The following HARS1 variants were observed in gnomAD, a reference collection of about 807,000 sequenced individuals.
HARS1 encodes histidyl-tRNA synthetase 1, also known as histidine--tRNA ligase, cytoplasmic.
Under a neutral mutation model 63.6 loss-of-function variants are expected in HARS1, and 45 were observed. The observed-to-expected ratio is 0.71, with a 90% CI of 0.56 to 0.91. HARS1 has a LOEUF of 0.91. Ranked by LOEUF, HARS1 falls within the 40% of genes least tolerant of loss-of-function variation. HARS1 has a pLI of 0.00. For synonymous variants in HARS1, 205 were observed against 247.1 expected, an observed-to-expected ratio of 0.83 and a Z score of 1.60; for missense variants, 508 against 643.2, an observed-to-expected ratio of 0.79 and a Z score of 2.27.
chr5:140,680,307 C>T (rs1034636542), intron 3 of HARS1, among the ~76,000 whole-genome samples: 4 of 151,852 alleles, frequency 2.6e-5, no homozygotes, highest in Non-Finnish European at 4.4e-5. Context: ...CCACCATGCC[C>T]GGCTAAGTTT....
chr5:140,691,129 A>C lies in HARS1; in HGVS notation c.90+86T>G, dbSNP rs1759398881. 4 of 1,112,650 alleles carry C rather than the reference A, an allele frequency of 3.6e-6. No homozygotes were observed. In the East Asian group the frequency reaches 9.6e-5, roughly 27 times the overall value. 68.9% of individuals were successfully genotyped at this position (1,112,650 alleles called of 1,614,324 possible). On this transcript the variant is annotated intron_variant, in intron 1 of 12. Transcript: ENST00000504156. ...CCCTACAAGACTGGTCGCTTCCCTC[A>C]CATCTCTACCCTATGTCCCGAACAC...
chr5:140,677,515 C>A, intron 7 of HARS1, 95 bp from the exon 8 acceptor site: 1 of 1,118,882 alleles, frequency 8.9e-7, no homozygotes, highest in Non-Finnish European at 1.4e-6. Context: ...AGAGCAGTAG[C>A]TGCCCATGAG....
intron 2 of HARS1, among the ~76,000 whole-genome samples, chr5:140,688,749 T>C (rs1759200419): frequency 6.6e-6 from 1 of 152,176 alleles, no homozygotes; most frequent in African/African-American, 2.4e-5. Flanking sequence ...ATTGGGCCAT[T>C]TGTCCTAAAA....
Position 140,676,366 on chromosome 5 carries a change from C to A in HARS1, c.1194+288G>T. ...CAAGGCAGTAAAATGTTAAGTATTC[C>A]GTATCATGAGGAAGATCTAAGTCTT... is the stretch of plus-strand genomic sequence containing the variant. On this transcript the variant is annotated intron_variant, in intron 10 of 12. Coordinates refer to ENST00000504156, the MANE Select transcript of HARS1 (RefSeq NM_002109.6). This position sits in a 1 kb window ranked among gnomAD's most constrained non-coding sequence, Gnocchi z 4.1. 2.5e-6 allele frequency: 1 copy of A among 392,852 alleles called. No individual in the cohort carries two copies. The highest frequency in any genetic ancestry group is 4.6e-6 in the Non-Finnish European group (1 of 216,676). 24.3% of individuals were successfully genotyped at this position (392,852 alleles called of 1,614,324 possible). A position where few individuals can be genotyped will look rare whatever the true frequency, so the allele number is the denominator to read the frequency against.
rs368813043 is a variant in HARS1, at chr5:140,674,275, C to A, written c.1512G>T (p.Gln504His). 1.2e-6 allele frequency: 2 copies of A among 1,609,934 alleles called. No homozygotes were observed. The highest frequency in any genetic ancestry group is 2.7e-5 in the African/African-American group (2 of 74,834). Residue 504 changes from glutamine (Q) to histidine (H), a missense_variant, in exon 13 of 13, where the codon CAG (glutamine) becomes CAT (histidine). Around this residue, in one of 2 missense-constraint regions of HARS1, gnomAD observed 403 missense variants for 548.7 expected, o/e 0.73. Transcript: ENST00000504156. ...LVEEIKRRTGQPLCIC is the reference protein window; with the variant it reads ...LVEEIKRRTGHPLCIC ...GTTCAGTTCAGCAGATGCAGAGGGG[C>A]TGGCCTGTTCTCCTTTTGATTTCCT...
In HARS1 at chr5:140,691,332, G is replaced by A; in HGVS notation, c.-28C>T. 1 of 1,552,732 alleles carries A rather than the reference G, an allele frequency of 6.4e-7. No homozygotes were observed. Among genetic ancestry groups the A allele is most frequent in the African/African-American group, 1.4e-5 (1 of 73,802 alleles). Reference sequence around the variant, plus strand: ...CGGCTGTCCACTTGAGCCGCCTGCTGTCTCGACCTGCGGTGGTTGCCCCAG... The same window carrying A: ...CGGCTGTCCACTTGAGCCGCCTGCTATCTCGACCTGCGGTGGTTGCCCCAG... On this transcript the variant is annotated 5_prime_UTR_variant, in exon 1 of 13. Transcript: ENST00000504156.
In HARS1 at chr5:140,677,043, C is replaced by G. The variant is rs2149823428; in HGVS notation, c.897G>C (p.Leu299=). Residue 299 remains leucine (L), a synonymous_variant, in exon 9 of 13, where the codon CTG becomes CTC. Coordinates refer to ENST00000504156, the MANE Select transcript of HARS1 (RefSeq NM_002109.6). ...ACTCAAAGAGCAACTTCAGGTCTCC[C>G]AGGCCCTCCAAGGCCTGCTTGTTTT... ...LSQNKQALEG[L]GDLKLLFEYL... is the part of the protein sequence containing the mutation. 1 of 1,614,170 alleles carries G rather than the reference C, an allele frequency of 6.2e-7. No individual in the cohort carries two copies. Among genetic ancestry groups the G allele is most frequent in the Non-Finnish European group, 8.5e-7 (1 of 1,180,010 alleles).
chr5:140,678,204 T>C lies in HARS1; in HGVS notation c.523-189A>G. ...CTCACCAGTTTTGGTTTCCTTTCCA[T>C]CTACTGGGCTATTCCTTCATTTTCT... On this transcript the variant is annotated intron_variant, in intron 5 of 12. Coordinates refer to ENST00000504156, the MANE Select transcript of HARS1 (RefSeq NM_002109.6). 5.0e-6 allele frequency: 3 copies of C among 594,674 alleles called. No individual in the cohort carries two copies. The South Asian group carries it at 6.2e-5, about 12-fold the overall frequency. The allele number at this position is 594,674 out of a possible 1,614,324, so 36.8% of individuals were successfully genotyped here.
At chr5:140,683,307 T>A (rs1410955061) in intron 2 of HARS1, 88 bp from the exon 3 acceptor site, 2 of 1,395,990 alleles carry the variant, frequency 1.4e-6, no homozygotes, top group Non-Finnish European at 2.0e-6. Context: ...ATGACCTCAA[T>A]AATGAAAAAG....
chr5:140,686,856 G>A (rs1759067968), intron 2 of HARS1, among the ~76,000 whole-genome samples: 1 of 152,206 alleles, frequency 6.6e-6, no homozygotes, highest in Non-Finnish European at 1.5e-5. Context: ...GTCTCCCAAA[G>A]TGCTGGGATT....
chr5:140,684,356 A>G (rs1758903697), intron 2 of HARS1: 1 of 983,596 alleles, frequency 1.0e-6, no homozygotes. Context: ...AAAAATACCT[A>G]CATGATTATA....
intron 3 of HARS1, among the ~76,000 whole-genome samples, chr5:140,682,481 A>G (rs923451534): frequency 6.6e-6 from 1 of 152,114 alleles, no homozygotes; most frequent in Admixed American, 6.5e-5. Context: ...CTGAGTAAAG[A>G]GTTTGGGTTG....
At position 140,679,877 on chromosome 5, in the gene HARS1, G is replaced by C. The variant is rs556459899; in HGVS notation, c.307C>G (p.Leu103Val). 3.2e-6 allele frequency: 5 copies of C among 1,571,970 alleles called. No homozygotes were observed. In the East Asian group the frequency reaches 1.1e-4, roughly 35 times the overall value. ...DTPVFELKET[L>V]MGKYGEDSKL... ...GAGTCTTCCCCATACTTTCCCATCAGTGTTTCCTGGAGAAAACATAAATAA... is the reference window on the plus strand; with the variant it reads ...GAGTCTTCCCCATACTTTCCCATCACTGTTTCCTGGAGAAAACATAAATAA... The change falls in exon 4 of 13, where the codon CTG (leucine) becomes GTG (valine). Residue 103 changes from leucine to valine, a missense_variant. By Grantham distance (32) the Leu-to-Val change is conservative (BLOSUM62 1). Transcript: ENST00000504156. This position sits in a 1 kb window ranked among gnomAD's most constrained non-coding sequence, Gnocchi z 4.3.
chr5:140,677,246 C>T lies in HARS1; in HGVS notation c.823+81G>A, dbSNP rs1332119118. On this transcript the variant is annotated intron_variant, in intron 8 of 12. Transcript: ENST00000504156. The stretch of plus-strand genomic sequence containing the variant: ...ATGCATAGACACACTCACTCCCCTA[C>T]ATACATAACACAGAACAGTTTCAAC... 5 of 1,376,750 alleles carry T rather than the reference C, an allele frequency of 3.6e-6. No homozygotes were observed. In the African/African-American group the frequency reaches 4.3e-5, roughly 12 times the overall value. The allele number at this position is 1,376,750 out of a possible 1,614,324, so 85.3% of individuals were successfully genotyped here.
At chr5:140,685,701 C>T (rs1465937865) in intron 2 of HARS1, among the ~76,000 whole-genome samples, 1 of 136,572 alleles carries the variant, frequency 7.3e-6, no homozygotes, top group Non-Finnish European at 1.6e-5. Flanking sequence ...AGCCTGGTGA[C>T]AGAGTGAGAC....
intron 12 of HARS1, 128 bp from the exon 13 acceptor site, chr5:140,674,456 C>T (rs1405651840): frequency 1.2e-6 from 1 of 820,282 alleles, no homozygotes; most frequent in African/African-American, 1.7e-5. Flanking sequence ...AATTAAACAC[C>T]TCAGGCTAGA....
chr5:140,677,471 G>A, intron 7 of HARS1, 51 bp from the exon 8 acceptor site: 2 of 1,388,342 alleles, frequency 1.4e-6, no homozygotes, highest in Non-Finnish European at 2.1e-6. Context: ...CCGCACCACA[G>A]AGCAAGTGTG....
intron 7 of HARS1, 117 bp from the exon 8 acceptor site, chr5:140,677,537 G>A (rs1391336595): frequency 1.9e-6 from 2 of 1,050,422 alleles, no homozygotes; most frequent in Admixed American, 1.7e-5. Flanking sequence ...CTACATCCTG[G>A]GGCTAACCTT....
At chr5:140,690,734 T>C in intron 2 of HARS1, 121 bp downstream of exon 2, 1 of 706,876 alleles carries the variant, frequency 1.4e-6, no homozygotes, top group Non-Finnish European at 2.6e-6. Flanking sequence ...CCAGAGCGAC[T>C]GTCCTCTCCT....
Sources: allele counts gnomAD v4.1 joint callset (sites outside exome capture counted in the v4.1 genomes callset), GRCh38; gene constraint gnomAD v4.1.1; regional missense constraint gnomAD v4.1.1; non-coding constraint Gnocchi (gnomAD v3.1); transcripts MANE v1.5; gene names NCBI Gene and HGNC (gene_info 2026-07-23, HGNC 2026-07-21).